PHACTR1: variants seen among roughly 807,000 people sequenced by gnomAD.
PHACTR1 encodes phosphatase and actin regulator 1, also known as RPEL repeat containing 1.
PHACTR1 carries 16 observed loss-of-function variants against 69.2 expected under a neutral mutation model. The observed-to-expected ratio is 0.23, with a 90% CI of 0.16 to 0.35. The LOEUF (loss-of-function observed/expected upper bound fraction) is 0.35. PHACTR1 is among the 10% of genes least tolerant of loss of function. The probability of loss-of-function intolerance (pLI) is 1.00; values close to 1 mark genes in which losing one functional copy is unlikely to be tolerated. For missense variants in PHACTR1, 510 were observed against 734.7 expected (o/e 0.69, Z 3.54); for synonymous variants, 312 against 284.5 (o/e 1.10, Z -0.97).
intron 4 of PHACTR1, among the ~76,000 whole-genome samples, chr6:12,990,478 C>A (rs1337408585): frequency 6.6e-6 from 1 of 152,264 alleles, no homozygotes; most frequent in Non-Finnish European, 1.5e-5. Flanking sequence ...TAGGCTGAAA[C>A]CCTCACAAGA....
At chr6:12,941,558 A>G (rs1582609712) in intron 4 of PHACTR1, among the ~76,000 whole-genome samples, 1 of 151,860 alleles carries the variant, frequency 6.6e-6, no homozygotes, top group Non-Finnish European at 1.5e-5. Context: ...GGATGTCACT[A>G]CCTCTCACTC....
intron 10 of PHACTR1, among the ~76,000 whole-genome samples, chr6:13,257,831 A>C (rs1220653224): frequency 6.6e-6 from 1 of 151,950 alleles, no homozygotes; most frequent in Non-Finnish European, 1.5e-5. Flanking sequence ...TTGTTCTCAA[A>C]CTTTAGCATG....
intron 5 of PHACTR1, among the ~76,000 whole-genome samples, chr6:13,157,030 T>G (rs1758281718): frequency 6.6e-6 from 1 of 152,214 alleles, no homozygotes; most frequent in South Asian, 2.1e-4. Context: ...TCAAAGCTGT[T>G]CATTTCTTCC....
Position 13,279,109 on chromosome 6 carries a change from T to C in PHACTR1, c.1509+780T>C, listed in dbSNP as rs143363660. Among the ~76,000 whole-genome samples, 420 of 151,952 alleles carry C rather than the reference T, an allele frequency of 2.8e-3. 3 individuals are homozygous for C. The highest frequency in any genetic ancestry group is 9.6e-3 in the African/African-American group (397 of 41,456). ...ACTATGCAACTTTATTAGGCTAAAT[T>C]ACGAAAGTACTGACAAATTTAAAGC... On this transcript the variant is annotated intron_variant, in intron 12 of 14. Transcript: ENST00000332995.
chr6:12,952,082 G>T (rs932609527), intron 4 of PHACTR1, among the ~76,000 whole-genome samples: 17 of 152,154 alleles, frequency 1.1e-4, no homozygotes, highest in Admixed American at 1.0e-3. Context: ...AAAAAAACAG[G>T]CATGTGCTTT....
intron 4 of PHACTR1, among the ~76,000 whole-genome samples, chr6:13,001,305 T>G (rs535715982): frequency 6.6e-6 from 1 of 152,348 alleles, no homozygotes; most frequent in South Asian, 2.1e-4. Flanking sequence ...TCGAGTATTT[T>G]TTCATCATAA....
chr6:12,853,257 A>C (rs1780005320), intron 4 of PHACTR1, among the ~76,000 whole-genome samples: 1 of 152,206 alleles, frequency 6.6e-6, no homozygotes, highest in South Asian at 2.1e-4. Flanking sequence ...ATGTGCTGCC[A>C]CTGCCCTGCT....
At chr6:13,014,651 G>T (rs1190362583) in intron 4 of PHACTR1, among the ~76,000 whole-genome samples, 1 of 152,034 alleles carries the variant, frequency 6.6e-6, no homozygotes, top group African/African-American at 2.4e-5. Context: ...CCTGTTTAGA[G>T]TAAAACATGG....
At chr6:12,756,523 G>A (rs553890505) in intron 4 of PHACTR1, among the ~76,000 whole-genome samples, 2 of 152,220 alleles carry the variant, frequency 1.3e-5, no homozygotes, top group South Asian at 4.2e-4. Context: ...TGACAGATTA[G>A]CATGACTTTC....
At chr6:13,057,645 T>C (rs568887982) in intron 5 of PHACTR1, among the ~76,000 whole-genome samples, 3 of 152,228 alleles carry the variant, frequency 2.0e-5, no homozygotes, top group Non-Finnish European at 4.4e-5. Flanking sequence ...AATTACAATA[T>C]TTGATAGTAG....
At position 13,080,373 on chromosome 6, in the gene PHACTR1, C is replaced by G. The variant is rs550465762; in HGVS notation, c.415+26844C>G. On this transcript the variant is annotated intron_variant, in intron 5 of 14. Transcript: ENST00000332995. Reference sequence around the variant, plus strand: ...ACTTATTCAGCTGGCAAAATTAACCCTATTGAAGTTTTTACCCAGCTGGTT... The same window carrying G: ...ACTTATTCAGCTGGCAAAATTAACCGTATTGAAGTTTTTACCCAGCTGGTT... Among the ~76,000 whole-genome samples, 23 of 152,258 alleles carry G rather than the reference C, an allele frequency of 1.5e-4. 1 individual carries two copies. The highest frequency in any genetic ancestry group is 3.4e-3 in the Middle Eastern group (1 of 294).
chr6:13,109,382 T>G (rs1816665500), intron 5 of PHACTR1, among the ~76,000 whole-genome samples: 1 of 152,056 alleles, frequency 6.6e-6, no homozygotes, highest in East Asian at 1.9e-4. Context: ...TGATTTTACC[T>G]TAATTTTGTG....
intron 4 of PHACTR1, among the ~76,000 whole-genome samples, chr6:13,003,982 C>CATAT (rs200587768): frequency 1.4e-5 from 1 of 70,774 alleles, no homozygotes; most frequent in Admixed American, 1.1e-4. Flanking sequence ...TATATATACA[C>CATAT]ATATATATAT....
chr6:13,145,571 G>A (rs1187178427), intron 5 of PHACTR1, among the ~76,000 whole-genome samples: 2 of 152,170 alleles, frequency 1.3e-5, no homozygotes, highest in African/African-American at 4.8e-5. Flanking sequence ...ACCCACACGT[G>A]GCTGTATTTG....
At chr6:13,280,819 T>C (rs1779996171) in intron 12 of PHACTR1, 31 of 517,700 alleles carry the variant, frequency 6.0e-5, no homozygotes, top group South Asian at 5.6e-4. Flanking sequence ...AAGATTATTT[T>C]TGCAGCATTC....
chr6:12,729,350 T>A (rs1032037815), intron 3 of PHACTR1, among the ~76,000 whole-genome samples: 10 of 152,212 alleles, frequency 6.6e-5, no homozygotes, highest in African/African-American at 2.4e-4. Flanking sequence ...CAGTTTATCA[T>A]CGATGCAGCT....
intron 8 of PHACTR1, among the ~76,000 whole-genome samples, chr6:13,207,498 G>A (rs1561995142): frequency 6.6e-6 from 1 of 152,180 alleles, no homozygotes; most frequent in Non-Finnish European, 1.5e-5. Flanking sequence ...CCACAGGCAG[G>A]CCTGCAGCCA....
rs776154642 is a variant in PHACTR1, at chr6:13,086,083, T to TAAAAA, written c.415+32573_415+32577dup. ...TAAAAATAAAGAAGATACACATTTC[T>TAAAAA]AAAAAAAAAAAAAAAAAAAAAAAGC... is the stretch of plus-strand genomic sequence containing the variant. On this transcript the variant is annotated intron_variant, in intron 5 of 14. Coordinates refer to ENST00000332995, the MANE Select transcript of PHACTR1 (RefSeq NM_030948.6). 4.2e-3 allele frequency among the ~76,000 whole-genome samples: 254 copies of TAAAAA among 60,234 alleles called. 3 individuals carry two copies. Among genetic ancestry groups the TAAAAA allele is most frequent in the African/African-American group, 0.018 (219 of 11,840 alleles). 39.5% of individuals were successfully genotyped at this position (60,234 alleles called of 152,430 possible). A position where few individuals can be genotyped will look rare whatever the true frequency, so the allele number is the denominator to read the frequency against.
At chr6:12,850,716 G>A (rs1045579906) in intron 4 of PHACTR1, among the ~76,000 whole-genome samples, 16 of 152,196 alleles carry the variant, frequency 1.1e-4, no homozygotes, top group African/African-American at 3.9e-4. Flanking sequence ...TCCAGCTTCT[G>A]ATGTTTGGCA....
Sources: allele counts gnomAD v4.1 joint callset (sites outside exome capture counted in the v4.1 genomes callset), GRCh38; gene constraint gnomAD v4.1.1; transcripts MANE v1.5; gene names NCBI Gene and HGNC (gene_info 2026-07-23, HGNC 2026-07-21).